The following SPTBN2 variants were observed in gnomAD, a reference collection of about 807,000 sequenced individuals.
The protein encoded by SPTBN2 is spectrin beta, non-erythrocytic 2.
A neutral mutation model predicts 284.2 loss-of-function variants in SPTBN2; 107 were observed. The observed-to-expected ratio is 0.38, with a 90% CI of 0.32 to 0.44. SPTBN2 has a LOEUF of 0.44. Ranked by LOEUF, SPTBN2 falls within the 20% of genes least tolerant of loss-of-function variation. SPTBN2 has a pLI of 1.00. For missense variants in SPTBN2, 2,569 were observed against 3,287.1 expected, an observed-to-expected ratio of 0.78 and a Z score of 5.34; for synonymous variants, 1,289 against 1,354.8, an observed-to-expected ratio of 0.95 and a Z score of 1.07.
At chr11:66,726,421 C>T (rs985855228) in intron 1 of SPTBN2, among the ~76,000 whole-genome samples, 4 of 152,178 alleles carry the variant, frequency 2.6e-5, no homozygotes, top group African/African-American at 7.2e-5. Flanking sequence ...AACCTGTTCC[C>T]GGGTGACACT....
chr11:66,724,074 A>G (rs1041113474), intron 1 of SPTBN2, among the ~76,000 whole-genome samples: 11 of 152,186 alleles, frequency 7.2e-5, no homozygotes, highest in African/African-American at 2.7e-4. Context: ...TCACAAACTT[A>G]CCAAGGCTAG....
In SPTBN2 at chr11:66,688,347, T is replaced by C. The variant is rs79774424; in HGVS notation, c.6232-36A>G. 2.1e-3 allele frequency: 3,337 copies of C among 1,554,920 alleles called. 82 individuals carry two copies. In the African/African-American group the frequency reaches 0.039, roughly 18 times the overall value. On this transcript the variant is annotated intron_variant, in intron 31 of 37. Coordinates refer to ENST00000533211, the MANE Select transcript of SPTBN2 (RefSeq NM_006946.4). ...ATGCTGCATTCAGCGTGTAGAAGGT[T>C]GCGTGTAAGAGGGCCAGGGAAACAG...
chr11:66,693,626 G>A lies in SPTBN2; in HGVS notation c.4593+146C>T, dbSNP rs1940716842. On this transcript the variant is annotated intron_variant, in intron 23 of 37. Transcript: ENST00000533211. The surrounding 1 kb of genome is among the most constrained non-coding windows in gnomAD (Gnocchi z 5.7). ...AGCCCCCACTATCTCCTACTGAGAG[G>A]ACCCACCCTCCCAAGGTGAGGAAAG... The A allele has an allele frequency of 3.9e-6, 5 of 1,289,424 alleles. No homozygotes were observed. The highest frequency in any genetic ancestry group is 2.0e-5 in the Admixed American group (1 of 50,088). The allele number at this position is 1,289,424 out of a possible 1,614,324, so 79.9% of individuals were successfully genotyped here. A position where few individuals can be genotyped will look rare whatever the true frequency, so the allele number is the denominator to read the frequency against.
chr11:66,692,940 C>G, intron 25 of SPTBN2, 30 bp downstream of exon 25: 1 of 1,599,958 alleles, frequency 6.3e-7, no homozygotes, highest in Non-Finnish European at 8.5e-7. Flanking sequence ...GCTCCACCCC[C>G]AGGCTGGGCC....
Position 66,700,495 on chromosome 11 carries a change from T to A in SPTBN2, c.3573+31A>T. Reference sequence around the variant, plus strand: ...CCCCGGGTCCCTACTTTGCTCTTCCTCCTGCTTGGGACTTTGCCCTGGACT... The same window carrying A: ...CCCCGGGTCCCTACTTTGCTCTTCCACCTGCTTGGGACTTTGCCCTGGACT... On this transcript the variant is annotated intron_variant, in intron 17 of 37. Transcript: ENST00000533211. This position sits in a 1 kb window ranked among gnomAD's most constrained non-coding sequence, Gnocchi z 6.6. The A allele has an allele frequency of 1.9e-6, 3 of 1,600,312 alleles. No homozygotes were observed. The highest frequency in any genetic ancestry group is 2.5e-6 in the Non-Finnish European group (3 of 1,179,922).
In SPTBN2 at chr11:66,701,768, T is replaced by C. The variant is rs375667778; in HGVS notation, c.2679-47A>G. 71 of 1,613,482 alleles carry C rather than the reference T, an allele frequency of 4.4e-5. No individual in the cohort carries two copies. In the African/African-American group the frequency reaches 7.5e-4, roughly 17 times the overall value. Reference sequence around the variant, plus strand: ...GCGTGAATTGTGGGAGGCAGCGATGTGCCCAGTCCACCTAAGTCCACCTCT... The same window carrying C: ...GCGTGAATTGTGGGAGGCAGCGATGCGCCCAGTCCACCTAAGTCCACCTCT... On this transcript the variant is annotated intron_variant, in intron 15 of 37. Coordinates refer to ENST00000533211, the MANE Select transcript of SPTBN2 (RefSeq NM_006946.4).
intron 13 of SPTBN2, among the ~76,000 whole-genome samples, chr11:66,706,773 G>A (rs1941584260): frequency 6.6e-6 from 1 of 151,424 alleles, no homozygotes; most frequent in Non-Finnish European, 1.5e-5. Flanking sequence ...GGGACTACAG[G>A]CATGCGCTAC....
intron 15 of SPTBN2, among the ~76,000 whole-genome samples, chr11:66,703,690 TCGCAC>T (rs1445674355): frequency 1.3e-5 from 2 of 151,724 alleles, no homozygotes. Flanking sequence ...TGAGCCGAGA[TCGCAC>T]CACTGCGCTC....
chr11:66,738,396 C>T (rs747157168), intron 1 of SPTBN2, among the ~76,000 whole-genome samples: 1 of 152,118 alleles, frequency 6.6e-6, no homozygotes, highest in African/African-American at 2.4e-5. Context: ...ACATCCTGAC[C>T]CTTTCAGACC....
chr11:66,686,198 G>T, intron 37 of SPTBN2, 94 bp from the exon 38 acceptor site: 1 of 1,428,074 alleles, frequency 7.0e-7, no homozygotes, highest in South Asian at 1.2e-5. Context: ...GAGGCAGAAA[G>T]TGAGCTGACT....
In SPTBN2 at chr11:66,683,357, C is replaced by T. The variant is rs1388391493; in HGVS notation, c.*2514G>A. 1.3e-4 allele frequency among the ~76,000 whole-genome samples: 20 copies of T among 152,282 alleles called. No homozygotes were observed. In the East Asian group the frequency reaches 1.4e-3, roughly 10 times the overall value. The stretch of plus-strand genomic sequence containing the variant: ...CTGGGATTACAGGCGTGAGCCACCG[C>T]GCCCGGCCCAAGTAATCCATTTTTA... On this transcript the variant is annotated 3_prime_UTR_variant, in exon 38 of 38. Transcript: ENST00000533211.
At position 66,691,323 on chromosome 11, in the gene SPTBN2, G is replaced by C; in HGVS notation, c.5526C>G (p.His1842Gln). Reference protein sequence around the residue: ...LNAAEALQRRHCAYEHDIQAL... With the variant: ...LNAAEALQRRQCAYEHDIQAL... ...CCTGAATGTCATGCTCGTAGGCACA[G>C]TGTCGGCGCTGCAGGGCCTCGGCAG... Residue 1842 changes from histidine (H) to glutamine (Q), a missense_variant, in exon 27 of 38, where the codon CAC (histidine) becomes CAG (glutamine). By Grantham distance (24) the His-to-Gln change is conservative. Around this residue, in one of 6 missense-constraint regions of SPTBN2, gnomAD observed 1,130 missense variants for 1,317.3 expected, o/e 0.86. Transcript: ENST00000533211. The surrounding 1 kb of genome is among the most constrained non-coding windows in gnomAD (Gnocchi z 8.0). The C allele has an allele frequency of 6.4e-7, 1 of 1,552,576 alleles. No homozygotes were observed. Among genetic ancestry groups the C allele is most frequent in the Non-Finnish European group, 8.7e-7 (1 of 1,145,388 alleles).
In SPTBN2 at chr11:66,692,518, T is replaced by A; in HGVS notation, c.5190+18A>T. 1 of 1,599,828 alleles carries A rather than the reference T, an allele frequency of 6.3e-7. No homozygotes were observed. Among genetic ancestry groups the A allele is most frequent in the East Asian group, 2.2e-5 (1 of 44,844 alleles). On this transcript the variant is annotated intron_variant, in intron 26 of 37. Transcript: ENST00000533211. ...CTTCCCACGGTTGATCTGAGCTGGG[T>A]GCCCTCCCTACACTCACAGTCACAT...
intron 3 of SPTBN2, among the ~76,000 whole-genome samples, chr11:66,717,483 C>T (rs945147658): frequency 6.6e-6 from 1 of 152,170 alleles, no homozygotes; most frequent in Admixed American, 6.5e-5. Context: ...AGCAACACAC[C>T]CACGTCGCTC....
chr11:66,734,498 T>G (rs11827300), intron 1 of SPTBN2, among the ~76,000 whole-genome samples: 1,649 of 152,288 alleles, frequency 0.011, 37 homozygotes, highest in African/African-American at 0.037. Flanking sequence ...TTATGGGATT[T>G]TGAGCATGCT....
At chr11:66,714,496 C>A (rs774666065) in intron 5 of SPTBN2, 89 bp from the exon 6 acceptor site, 1 of 1,174,812 alleles carries the variant, frequency 8.5e-7, no homozygotes. Context: ...GGAAACTGCT[C>A]TTTAGACTGT....
intron 3 of SPTBN2, among the ~76,000 whole-genome samples, chr11:66,720,707 A>C (rs1244839639): frequency 6.6e-6 from 1 of 152,172 alleles, no homozygotes; most frequent in African/African-American, 2.4e-5. Flanking sequence ...GACAGTGGAA[A>C]TCAAAGAAGA....
At position 66,692,941 on chromosome 11, in the gene SPTBN2, AGGCT is replaced by A. The variant is rs757370649; in HGVS notation, c.4985+25_4985+28del. The A allele has an allele frequency of 5.6e-6, 9 of 1,599,958 alleles. No individual in the cohort carries two copies. The African/African-American group carries it at 1.2e-4, about 21-fold the overall frequency. Reference sequence around the variant, plus strand: ...TGTTCCTGCAGCCGGCTCCACCCCCAGGCTGGGCCGGGCTGCCGCTGCACCCACC... The same window carrying A: ...TGTTCCTGCAGCCGGCTCCACCCCCAGGGCCGGGCTGCCGCTGCACCCACC... On this transcript the variant is annotated intron_variant, in intron 25 of 37. Transcript: ENST00000533211.
intron 1 of SPTBN2, among the ~76,000 whole-genome samples, chr11:66,723,999 C>T (rs1247947906): frequency 1.3e-5 from 2 of 152,200 alleles, no homozygotes; most frequent in African/African-American, 4.8e-5. Flanking sequence ...GACCTGCCCA[C>T]AAAAATGCCT....
Sources: gnomAD v4.1 joint callset for allele counts (sites outside exome capture counted in the v4.1 genomes callset) on GRCh38, gnomAD v4.1.1 for gene constraint, gnomAD v4.1.1 regional missense constraint, Gnocchi (gnomAD v3.1) non-coding constraint, MANE v1.5 for transcripts, NCBI Gene and HGNC (gene_info 2026-07-23, HGNC 2026-07-21) for gene names.